The following SHTN1 variants were observed in gnomAD, a reference collection of about 807,000 sequenced individuals.
SHTN1 encodes the protein shootin-1.
A neutral mutation model predicts 83.1 loss-of-function variants in SHTN1; 42 were observed. The observed-to-expected ratio is 0.51, with a 90% confidence interval of 0.39 to 0.65. The LOEUF (loss-of-function observed/expected upper bound fraction) is 0.65, where lower values mean the gene tolerates loss of function less well. Ranked by LOEUF, SHTN1 falls within the 30% of genes least tolerant of loss-of-function variation. SHTN1 has a pLI of 0.00. For synonymous variants in SHTN1, 224 were observed against 247.7 expected (o/e 0.90, Z 0.90); for missense variants, 622 against 737.8 (o/e 0.84, Z 1.82).
intron 8 of SHTN1, among the ~76,000 whole-genome samples, 164 bp downstream of exon 8, chr10:116,944,760 G>A (rs926094242): frequency 6.6e-5 from 10 of 152,022 alleles, no homozygotes; most frequent in African/African-American, 1.7e-4. Flanking sequence ...GCACGGTGGC[G>A]TGTGCCTGTA....
At chr10:116,935,890 C>T (rs1485663414) in intron 9 of SHTN1, among the ~76,000 whole-genome samples, 1 of 152,088 alleles carries the variant, frequency 6.6e-6, no homozygotes, top group Non-Finnish European at 1.5e-5. Flanking sequence ...CTGATTTAGT[C>T]TTGGGAGGGT....
chr10:116,881,810 T>C lies in SHTN1; in HGVS notation c.*4534A>G. The C allele has an allele frequency of 1.6e-6, 1 of 617,914 alleles. No homozygotes were observed. The highest frequency in any genetic ancestry group is 2.5e-6 in the Non-Finnish European group (1 of 406,346). The allele number at this position is 617,914 out of a possible 1,614,324, so 38.3% of individuals were successfully genotyped here. Reference sequence around the variant, plus strand: ...GTTTTTATTCTTCTAATTCCACTGTTTGGTAAATTACATATATGATGTTTT... The same window carrying C: ...GTTTTTATTCTTCTAATTCCACTGTCTGGTAAATTACATATATGATGTTTT... On this transcript the variant is annotated 3_prime_UTR_variant, in exon 17 of 17. Coordinates refer to ENST00000355371, the MANE Select transcript of SHTN1 (RefSeq NM_001127211.3).
At chr10:117,004,952 C>G in intron 1 of SHTN1, 70 bp downstream of exon 1, 1 of 1,449,572 alleles carries the variant, frequency 6.9e-7, no homozygotes, top group Non-Finnish European at 9.4e-7. Flanking sequence ...CTGCCCTGGC[C>G]CCAGCGCCCT....
chr10:117,030,514 GCAC>G (rs1852399874), intron 2 of SHTN1, among the ~76,000 whole-genome samples: 1 of 151,976 alleles, frequency 6.6e-6, no homozygotes, highest in South Asian at 2.1e-4. Context: ...ACTAAATAAT[GCAC>G]CAGGAACCAA....
At chr10:116,941,571 C>T (rs1199804251) in intron 8 of SHTN1, among the ~76,000 whole-genome samples, 1 of 152,180 alleles carries the variant, frequency 6.6e-6, no homozygotes, top group East Asian at 1.9e-4. Flanking sequence ...AGATTTTTAA[C>T]AGCATTTTAA....
intron 1 of SHTN1, among the ~76,000 whole-genome samples, chr10:117,103,530 C>CTTTTTTT (rs35229163): frequency 1.8e-4 from 14 of 77,536 alleles, no homozygotes; most frequent in South Asian, 6.2e-4. Context: ...CCTCCCCTCT[C>CTTTTTTT]TTTTTTTTTT....
chr10:117,082,793 GC>G (rs1383864456), intron 1 of SHTN1, among the ~76,000 whole-genome samples: 1 of 150,934 alleles, frequency 6.6e-6, no homozygotes, highest in South Asian at 2.1e-4. Flanking sequence ...TTATGTAATG[GC>G]CTTCTTTGTC....
At chr10:116,974,220 G>T in intron 2 of SHTN1, 1 of 796,152 alleles carries the variant, frequency 1.3e-6, no homozygotes, top group Non-Finnish European at 1.5e-6. Flanking sequence ...TTTGTTTCTA[G>T]ATAGATTGCT....
chr10:116,926,813 C>A (rs1244724945), intron 11 of SHTN1, among the ~76,000 whole-genome samples: 1 of 151,902 alleles, frequency 6.6e-6, no homozygotes, highest in Non-Finnish European at 1.5e-5. Context: ...TGTAAGCTGT[C>A]ACCATGGCAA....
chr10:117,010,973 A>G (rs545923270), intron 2 of SHTN1, among the ~76,000 whole-genome samples: 1 of 152,350 alleles, frequency 6.6e-6, no homozygotes, highest in Non-Finnish European at 1.5e-5. Context: ...ATCATGGTCA[A>G]TGGTGAAAGA....
intron 11 of SHTN1, among the ~76,000 whole-genome samples, chr10:116,926,011 C>T (rs1438929052): frequency 6.6e-6 from 1 of 151,548 alleles, no homozygotes; most frequent in Non-Finnish European, 1.5e-5. Flanking sequence ...AAAAAAAAAA[C>T]TCTTTTCTTT....
In SHTN1 at chr10:117,082,343, G is replaced by A. The variant is rs201955075; in HGVS notation, c.-188-33833C>T. Among the ~76,000 whole-genome samples the A allele has an allele frequency of 2.8e-5, 4 of 145,006 alleles. 1 individual carries two copies. The East Asian group carries it at 8.0e-4, about 29-fold the overall frequency. ...TGTTCAGTTTCCATGTAGTTGAGCGGTTTTGAGTGAGATTCTTAATCCTGA... is the reference window on the plus strand; with the variant it reads ...TGTTCAGTTTCCATGTAGTTGAGCGATTTTGAGTGAGATTCTTAATCCTGA... On this transcript the variant is annotated intron_variant, in intron 1 of 17. Coordinates refer to the SHTN1 transcript ENST00000392901.
At chr10:116,945,126 A>G in intron 7 of SHTN1, 108 bp from the exon 8 acceptor site, 1 of 704,806 alleles carries the variant, frequency 1.4e-6, no homozygotes, top group South Asian at 1.8e-5. Context: ...GCATACAGGT[A>G]CCCTCATGCA....
At chr10:116,931,295 C>T (rs938450270) in intron 9 of SHTN1, among the ~76,000 whole-genome samples, 1 of 152,122 alleles carries the variant, frequency 6.6e-6, no homozygotes, top group African/African-American at 2.4e-5. Flanking sequence ...TTCGGCCAGG[C>T]TGGAGTGCAG....
At chr10:116,915,974 C>G (rs1418663072) in intron 12 of SHTN1, among the ~76,000 whole-genome samples, 6 of 152,098 alleles carry the variant, frequency 3.9e-5, no homozygotes, top group Non-Finnish European at 8.8e-5. Flanking sequence ...AGTCAAAAGA[C>G]AAACAGTAAA....
intron 4 of SHTN1, among the ~76,000 whole-genome samples, chr10:116,959,853 A>G (rs991082424): frequency 6.6e-6 from 1 of 152,166 alleles, no homozygotes; most frequent in African/African-American, 2.4e-5. Flanking sequence ...CCCCTTTAAC[A>G]CTACTCTGGG....
At chr10:117,065,785 GA>G (rs1564947290) in intron 1 of SHTN1, among the ~76,000 whole-genome samples, 5 of 12,224 alleles carry the variant, frequency 4.1e-4, no homozygotes, top group Admixed American at 2.3e-3. Context: ...AGAAAGAAAG[GA>G]AGGAAGGAAG....
intron 7 of SHTN1, 147 bp from the exon 8 acceptor site, chr10:116,945,165 C>A (rs926976740): frequency 8.3e-6 from 5 of 604,054 alleles, no homozygotes; most frequent in African/African-American, 1.9e-5. Flanking sequence ...ACTGATAAAA[C>A]CTTTTTGGAG....
intron 16 of SHTN1, among the ~76,000 whole-genome samples, chr10:116,899,506 G>GGTGTGTGTGTGTGTGTGTGTGTGTGT (rs370396879): frequency 3.1e-4 from 38 of 124,576 alleles, no homozygotes; most frequent in African/African-American, 1.1e-3. Context: ...GGCTGGGGCT[G>GGTGTGTGTGTGTGTGTGTGTGTGTGT]GTGTGTGTGT....
Sources: gnomAD v4.1 joint callset for allele counts (sites outside exome capture counted in the v4.1 genomes callset) on GRCh38, gnomAD v4.1.1 for gene constraint, MANE v1.5 for transcripts, NCBI Gene and HGNC (gene_info 2026-07-23, HGNC 2026-07-21) for gene names.